The following CACNB2 variants were observed in gnomAD, a reference collection of about 807,000 sequenced individuals.
CACNB2 encodes the protein calcium voltage-gated channel auxiliary subunit beta 2, also known as voltage-dependent L-type calcium channel subunit beta-2.
Under a neutral mutation model 73.3 loss-of-function variants are expected in CACNB2, and 42 were observed. The observed-to-expected ratio is 0.57, with a 90% CI of 0.45 to 0.74. CACNB2 has a LOEUF of 0.74. Among genes scored for constraint, CACNB2 ranks in the 30% least tolerant of loss-of-function variants. CACNB2 has a pLI of 0.00. For synonymous variants in CACNB2, 348 were observed against 310.3 expected (o/e 1.12, Z -1.28); for missense variants, 940 against 853.0 (o/e 1.10, Z -1.27).
intron 2 of CACNB2, among the ~76,000 whole-genome samples, chr10:18,355,325 T>C (rs1261128433): frequency 6.6e-6 from 1 of 152,224 alleles, no homozygotes; most frequent in Non-Finnish European, 1.5e-5. Flanking sequence ...GTAGTTATTC[T>C]TTTCCAGGTA....
intron 2 of CACNB2, among the ~76,000 whole-genome samples, chr10:18,322,876 AT>A (rs78454829): frequency 1.7e-3 from 236 of 142,760 alleles, no homozygotes; most frequent in African/African-American, 3.5e-3. Context: ...AATATTTTTA[AT>A]TTTTTTTTTT....
chr10:18,367,138 ATTTCCAAGTTTGTTTTTAAAC>A (rs1483789804), intron 2 of CACNB2, among the ~76,000 whole-genome samples: 1 of 152,052 alleles, frequency 6.6e-6, no homozygotes, highest in African/African-American at 2.4e-5. Context: ...TTTTTTAACC[ATTTCCAAGTTTGTTTTTAAAC>A]TTTCCACTAA....
intron 2 of CACNB2, among the ~76,000 whole-genome samples, chr10:18,194,116 A>T (rs1431180102): frequency 2.0e-5 from 3 of 152,110 alleles, no homozygotes; most frequent in African/African-American, 7.2e-5. Flanking sequence ...ATCCAGACAG[A>T]GATGCCCCAT....
At chr10:18,398,641 A>T (rs1052133709) in intron 2 of CACNB2, among the ~76,000 whole-genome samples, 2 of 151,716 alleles carry the variant, frequency 1.3e-5, no homozygotes, top group African/African-American at 2.4e-5. Flanking sequence ...ACTGCAGTCT[A>T]TCAAGCCTGG....
intron 2 of CACNB2, among the ~76,000 whole-genome samples, chr10:18,210,974 T>A (rs2035294216): frequency 6.6e-6 from 1 of 152,220 alleles, no homozygotes; most frequent in South Asian, 2.1e-4. Flanking sequence ...TGCTTCCTCG[T>A]GTATACATGG....
intron 3 of CACNB2, among the ~76,000 whole-genome samples, chr10:18,402,283 G>C (rs371018035): frequency 3.0e-4 from 45 of 151,702 alleles, no homozygotes; most frequent in Non-Finnish European, 5.2e-4. Flanking sequence ...TGGGTGGATG[G>C]CTTATTTGGA....
At chr10:18,148,630 A>G (rs912570282) in intron 1 of CACNB2, among the ~76,000 whole-genome samples, 1 of 151,294 alleles carries the variant, frequency 6.6e-6, no homozygotes, top group African/African-American at 2.5e-5. Context: ...ATAATGAGAC[A>G]TATTTATCAC....
At chr10:18,245,415 G>C (rs557851999) in intron 2 of CACNB2, among the ~76,000 whole-genome samples, 8 of 152,184 alleles carry the variant, frequency 5.3e-5, no homozygotes, top group Admixed American at 2.0e-4. Flanking sequence ...GTCCTTCCCT[G>C]GCCCAAGTGA....
intron 3 of CACNB2, among the ~76,000 whole-genome samples, chr10:18,457,814 C>T (rs560228043): frequency 1.3e-5 from 2 of 151,842 alleles, no homozygotes; most frequent in African/African-American, 4.8e-5. Flanking sequence ...CACTTGAACC[C>T]GGGAGGCGGA....
At chr10:18,279,844 C>A (rs552443565) in intron 2 of CACNB2, among the ~76,000 whole-genome samples, 23 of 152,284 alleles carry the variant, frequency 1.5e-4, no homozygotes, top group African/African-American at 5.5e-4. Flanking sequence ...CTTTGGGAGG[C>A]TGAGGTGGGC....
At position 18,229,886 on chromosome 10, in the gene CACNB2, A is replaced by T. The variant is rs367839799; in HGVS notation, c.213+78911A>T. 1.7e-4 allele frequency among the ~76,000 whole-genome samples: 26 copies of T among 152,318 alleles called. No individual in the cohort carries two copies. The East Asian group carries it at 2.9e-3, about 17-fold the overall frequency. ...AATTACATATGGCATTACTCCTACC[A>T]TTTGGAGAAACTGGAATATGCCATG... On this transcript the variant is annotated intron_variant, in intron 2 of 13. Coordinates refer to ENST00000324631, the MANE Select transcript of CACNB2 (RefSeq NM_201596.3).
rs114456385 is a variant in CACNB2, at chr10:18,477,724, G to C, written c.334-20631G>C. Among the ~76,000 whole-genome samples the C allele has an allele frequency of 5.3e-5, 8 of 152,294 alleles. No homozygotes were observed. In the East Asian group the frequency reaches 1.5e-3, roughly 29 times the overall value. ...GTAATTCACATAATGCAGGAGGAAA[G>C]GGGCAGGTTAGGGAAGAGTCACTTA... On this transcript the variant is annotated intron_variant, in intron 3 of 13. Coordinates refer to ENST00000324631, the MANE Select transcript of CACNB2 (RefSeq NM_201596.3).
In CACNB2 at chr10:18,140,656, A is replaced by G. The variant is rs2030280524; in HGVS notation, c.-81A>G. ...CCCTGGGCGGCCCCCAGAGCCGATCAGAGCGCGGGGAGGCGGGGGCGAGGA... is the reference window on the plus strand; with the variant it reads ...CCCTGGGCGGCCCCCAGAGCCGATCGGAGCGCGGGGAGGCGGGGGCGAGGA... On this transcript the variant is annotated 5_prime_UTR_variant, in exon 1 of 14. Coordinates refer to ENST00000324631, the MANE Select transcript of CACNB2 (RefSeq NM_201596.3). 8.6e-6 allele frequency: 11 copies of G among 1,286,482 alleles called. No individual in the cohort carries two copies. Among genetic ancestry groups the G allele is most frequent in the East Asian group, 2.5e-5 (1 of 40,678 alleles). 79.7% of individuals were successfully genotyped at this position (1,286,482 alleles called of 1,614,324 possible).
chr10:18,268,800 C>T (rs2037922617), intron 2 of CACNB2, among the ~76,000 whole-genome samples: 1 of 152,146 alleles, frequency 6.6e-6, no homozygotes, highest in Admixed American at 6.5e-5. Flanking sequence ...AATATGTTAT[C>T]TCCTACCTCA....
intron 2 of CACNB2, among the ~76,000 whole-genome samples, chr10:18,199,392 G>T (rs977331968): frequency 6.6e-6 from 1 of 152,174 alleles, no homozygotes; most frequent in Non-Finnish European, 1.5e-5. Context: ...ACATTGGGCT[G>T]ATATTTTGAA....
intron 2 of CACNB2, among the ~76,000 whole-genome samples, chr10:18,265,007 C>G (rs563168256): frequency 1.4e-4 from 21 of 152,268 alleles, no homozygotes; most frequent in South Asian, 8.3e-4. Flanking sequence ...GTGCCTCCCC[C>G]CTACACCTAG....
rs576837546 is a variant in CACNB2 at position 18,375,227 on chromosome 10, T to C, written c.214-26697T>C. On this transcript the variant is annotated intron_variant, in intron 2 of 13. Coordinates refer to ENST00000324631, the MANE Select transcript of CACNB2 (RefSeq NM_201596.3). ...CCCTGTCTCAAAAAATAAAAAATAA[T>C]TGGGAGGTGAATGTGTCCAAGTGTC... Among the ~76,000 whole-genome samples, 68 of 152,156 alleles carry C rather than the reference T, an allele frequency of 4.5e-4. No individual in the cohort carries two copies. In the South Asian group the frequency reaches 0.011, roughly 25 times the overall value.
intron 3 of CACNB2, among the ~76,000 whole-genome samples, chr10:18,407,745 A>G (rs1170293190): frequency 1.3e-5 from 2 of 152,008 alleles, no homozygotes; most frequent in African/African-American, 2.4e-5. Flanking sequence ...ATTTTTCTCA[A>G]CTTCTAACCC....
At chr10:18,324,316 A>T (rs1364353362) in intron 2 of CACNB2, among the ~76,000 whole-genome samples, 6 of 152,208 alleles carry the variant, frequency 3.9e-5, no homozygotes, top group Non-Finnish European at 8.8e-5. Context: ...GGCATCTGAA[A>T]GGAAGGAAAG....
Sources: allele counts gnomAD v4.1 joint callset (sites outside exome capture counted in the v4.1 genomes callset), GRCh38; gene constraint gnomAD v4.1.1; transcripts MANE v1.5; gene names NCBI Gene and HGNC (gene_info 2026-07-23, HGNC 2026-07-21).